TECTA: variants seen among roughly 807,000 people sequenced by gnomAD.
The protein encoded by TECTA is alpha-tectorin.
TECTA carries 128 observed loss-of-function variants against 216.8 expected under a neutral mutation model. The observed-to-expected ratio is 0.59, with a 90% CI of 0.51 to 0.68. TECTA has a LOEUF of 0.68. Among genes scored for constraint, TECTA ranks in the 30% least tolerant of loss-of-function variants. The probability of loss-of-function intolerance (pLI) is 0.00; values close to 1 mark genes in which losing one functional copy is unlikely to be tolerated. For synonymous variants in TECTA, 1,089 were observed against 1,117.1 expected (o/e 0.97, Z 0.50); for missense variants, 2,551 against 2,786.2 (o/e 0.92, Z 1.90).
At chr11:121,151,852 G>T (rs1401318615) in intron 12 of TECTA, among the ~76,000 whole-genome samples, 1 of 152,202 alleles carries the variant, frequency 6.6e-6, no homozygotes, top group Non-Finnish European at 1.5e-5. Flanking sequence ...TAGGGTAGAA[G>T]TTCCCACATA....
At chr11:121,185,425 T>A (rs944200247) in intron 20 of TECTA, among the ~76,000 whole-genome samples, 1 of 135,196 alleles carries the variant, frequency 7.4e-6, no homozygotes, top group Non-Finnish European at 1.6e-5. Flanking sequence ...GTTCAATGCT[T>A]AATGAATGAG....
intron 10 of TECTA, among the ~76,000 whole-genome samples, chr11:121,132,534 T>C (rs1392701730): frequency 1.3e-5 from 2 of 152,154 alleles, no homozygotes; most frequent in African/African-American, 4.8e-5. Flanking sequence ...AGAGTGTCAT[T>C]GATTCTAGCA....
chr11:121,149,809 C>T (rs1382586982), intron 12 of TECTA, among the ~76,000 whole-genome samples: 1 of 152,234 alleles, frequency 6.6e-6, no homozygotes, highest in Non-Finnish European at 1.5e-5. Flanking sequence ...GGTCATCACG[C>T]CACAGCTCTC....
chr11:121,125,941 C>T (rs1946607736), intron 8 of TECTA, 69 bp downstream of exon 8: 11 of 1,538,378 alleles, frequency 7.2e-6, no homozygotes, highest in Non-Finnish European at 9.7e-6. Flanking sequence ...TTTGGGGGCT[C>T]CTCCAAATGT....
At chr11:121,157,448 C>T (rs1479218020) in intron 13 of TECTA, among the ~76,000 whole-genome samples, 1 of 151,990 alleles carries the variant, frequency 6.6e-6, no homozygotes, top group Non-Finnish European at 1.5e-5. Flanking sequence ...CAAAAATTAG[C>T]TGGGTGTGGT....
intron 10 of TECTA, among the ~76,000 whole-genome samples, chr11:121,133,447 C>A (rs971092602): frequency 6.6e-6 from 1 of 152,156 alleles, no homozygotes; most frequent in African/African-American, 2.4e-5. Context: ...CTTTACGGTT[C>A]TTTTGGGGTG....
chr11:121,152,910 G>A lies in TECTA; in HGVS notation c.4135G>A (p.Glu1379Lys), dbSNP rs751908135. ...CACCTGCCCTCCAAACAGCCATTAC[G>A]AGAGCTGCGTGAGTGTCTGCCAGCC... ...TVTCPPNSHY[E>K]SCVSVCQPRC... The change falls in exon 13 of 24, where the codon GAG becomes AAG. Residue 1379 changes from glutamate (E) to lysine (K), a missense_variant. Physicochemically the swap from Glu to Lys is moderately conservative, Grantham distance 56. Coordinates refer to ENST00000392793, the MANE Select transcript of TECTA (RefSeq NM_005422.4). 7.5e-6 allele frequency: 12 copies of A among 1,607,136 alleles called. No homozygotes were observed. The South Asian group carries it at 7.7e-5, about 10-fold the overall frequency.
intron 11 of TECTA, among the ~76,000 whole-genome samples, chr11:121,144,583 A>G (rs1946816156): frequency 6.6e-6 from 1 of 152,204 alleles, no homozygotes; most frequent in African/African-American, 2.4e-5. Context: ...ATCTTCCATC[A>G]TGCACTAACC....
At chr11:121,139,927 A>G (rs1172655907) in intron 11 of TECTA, among the ~76,000 whole-genome samples, 2 of 152,160 alleles carry the variant, frequency 1.3e-5, no homozygotes, top group Non-Finnish European at 2.9e-5. Context: ...TAAAACAAAT[A>G]TATCGATCGT....
chr11:121,155,268 T>C (rs1047798422), intron 13 of TECTA, among the ~76,000 whole-genome samples: 6 of 152,226 alleles, frequency 3.9e-5, no homozygotes, highest in African/African-American at 1.4e-4. Flanking sequence ...CAGATTCTCT[T>C]GTGGATGAGT....
rs1196379711 is a variant in TECTA at position 121,127,487 on chromosome 11, A to G, written c.1775-265A>G. On this transcript the variant is annotated intron_variant, in intron 8 of 23. Coordinates refer to ENST00000392793, the MANE Select transcript of TECTA (RefSeq NM_005422.4). This position sits in a 1 kb window ranked among gnomAD's most constrained non-coding sequence, Gnocchi z 5.0. ...CTATATTGGGTAATCAGTAGTCTAG[A>G]AAGGATGGCATCCTGAAAGTTTAAT... 6.6e-6 allele frequency among the ~76,000 whole-genome samples: 1 copy of G among 152,200 alleles called. No homozygotes were observed. Among genetic ancestry groups the G allele is most frequent in the African/African-American group, 2.4e-5 (1 of 41,458 alleles).
At chr11:121,109,147 G>C in intron 3 of TECTA, 64 bp from the exon 4 acceptor site, 1 of 1,582,246 alleles carries the variant, frequency 6.3e-7, no homozygotes, top group East Asian at 2.2e-5. Flanking sequence ...GTCTGTCTTG[G>C]TTTGTGACTC....
chr11:121,177,952 G>A (rs910984227), intron 20 of TECTA, among the ~76,000 whole-genome samples: 4 of 152,202 alleles, frequency 2.6e-5, no homozygotes, highest in Non-Finnish European at 5.9e-5. Context: ...ACCAATCAGC[G>A]AGACTCTGTG....
chr11:121,118,223 A>T (rs1946518597), intron 6 of TECTA, 83 bp from the exon 7 acceptor site: 1 of 1,547,674 alleles, frequency 6.5e-7, no homozygotes, highest in African/African-American at 1.4e-5. Context: ...AAATGGTATA[A>T]TGGAAGTAAA....
rs1438311970 is a variant in TECTA, at chr11:121,127,039, T to C, written c.1775-713T>C. On this transcript the variant is annotated intron_variant, in intron 8 of 23. Transcript: ENST00000392793. This position sits in a 1 kb window ranked among gnomAD's most constrained non-coding sequence, Gnocchi z 5.0. The stretch of plus-strand genomic sequence containing the variant: ...CTAGTTTGCTAGGCCCCTGAGCCCC[T>C]GCTTGTTGGATTCAACCAGACTCAA... Among the ~76,000 whole-genome samples the C allele has an allele frequency of 2.0e-5, 3 of 152,240 alleles. No individual in the cohort carries two copies. The highest frequency in any genetic ancestry group is 4.4e-5 in the Non-Finnish European group (3 of 68,032).
intron 4 of TECTA, among the ~76,000 whole-genome samples, chr11:121,111,278 A>T (rs1946439267): frequency 6.6e-6 from 1 of 152,218 alleles, no homozygotes; most frequent in South Asian, 2.1e-4. Context: ...GAGGCCAAGT[A>T]TCTCGTTCAA....
Position 121,137,495 on chromosome 11 carries a change from G to T in TECTA, c.3016G>T (p.Gly1006Cys). Residue 1006 changes from glycine to cysteine, a missense_variant, in exon 11 of 24, where the codon GGC (glycine) becomes TGC (cysteine). By Grantham distance (159) the Gly-to-Cys change is radical. Transcript: ENST00000392793. Reference sequence around the variant, plus strand: ...AGAGACCTGTGAGACCCTTACCCTGGGCCCCATCTGCGTGGATAGCTGCTC... The same window carrying T: ...AGAGACCTGTGAGACCCTTACCCTGTGCCCCATCTGCGTGGATAGCTGCTC... Reference protein sequence around the residue: ...CTETCETLTLGPICVDSCSEG... With the variant: ...CTETCETLTLCPICVDSCSEG... The T allele has an allele frequency of 6.2e-7, 1 of 1,613,806 alleles. No homozygotes were observed. The highest frequency in any genetic ancestry group is 8.5e-7 in the Non-Finnish European group (1 of 1,179,976).
chr11:121,163,736 G>A (rs1947024799), intron 16 of TECTA, among the ~76,000 whole-genome samples: 1 of 152,228 alleles, frequency 6.6e-6, no homozygotes, highest in South Asian at 2.1e-4. Flanking sequence ...CTAAGGGCAT[G>A]TCTTATTTGC....
chr11:121,102,794 T>G, intron 2 of TECTA, 65 bp downstream of exon 2: 1 of 1,417,534 alleles, frequency 7.1e-7, no homozygotes, highest in Non-Finnish European at 1.0e-6. Context: ...AAGAGACACT[T>G]TTATTGGAAC....
Sources: gnomAD v4.1 joint callset for allele counts (sites outside exome capture counted in the v4.1 genomes callset) on GRCh38, gnomAD v4.1.1 for gene constraint, Gnocchi (gnomAD v3.1) non-coding constraint, MANE v1.5 for transcripts, NCBI Gene and HGNC (gene_info 2026-07-23, HGNC 2026-07-21) for gene names.